Variants in DOCK7 observed in about 807,000 individuals in gnomAD.
DOCK7 encodes the protein dedicator of cytokinesis protein 7.
Under a neutral mutation model 271.0 loss-of-function variants are expected in DOCK7, and 138 were observed. That is an observed-to-expected ratio of 0.51 (90% CI 0.44 to 0.59). The LOEUF (loss-of-function observed/expected upper bound fraction) is 0.59, where lower values mean the gene tolerates loss of function less well. Ranked by LOEUF, DOCK7 falls within the 20% of genes least tolerant of loss-of-function variation. The pLI, the probability that DOCK7 is intolerant of heterozygous loss-of-function variation, is 0.00. For missense variants in DOCK7, 2,066 were observed against 2,592.4 expected, an observed-to-expected ratio of 0.80 and a Z score of 4.41; for synonymous variants, 823 against 876.1, an observed-to-expected ratio of 0.94 and a Z score of 1.07.
chr1:62,609,153 G>A lies in DOCK7; in HGVS notation c.1682+9553C>T, dbSNP rs544412563. On this transcript the variant is annotated intron_variant, in intron 14 of 49. Coordinates refer to ENST00000635253, the MANE Select transcript of DOCK7 (RefSeq NM_001367561.1). Reference sequence around the variant, plus strand: ...GTATTATCATGGCAAATCAACTAGGGTAAAATTACTTAACTGGTGCACAGT... The same window carrying A: ...GTATTATCATGGCAAATCAACTAGGATAAAATTACTTAACTGGTGCACAGT... The A allele has an allele frequency of 2.0e-5, 3 of 152,154 alleles. 1 individual carries two copies. Among genetic ancestry groups the A allele is most frequent in the African/African-American group, 7.2e-5 (3 of 41,508 alleles). 9.4% of individuals were successfully genotyped at this position (152,154 alleles called of 1,614,324 possible).
At chr1:62,471,922 T>C (rs867176303) in intron 48 of DOCK7, among the ~76,000 whole-genome samples, 11 of 152,148 alleles carry the variant, frequency 7.2e-5, no homozygotes, top group Non-Finnish European at 1.2e-4. Flanking sequence ...TAAACTTTAA[T>C]TGAAAAATAA....
intron 2 of DOCK7, among the ~76,000 whole-genome samples, chr1:62,656,179 C>T (rs1348639050): frequency 1.3e-5 from 2 of 152,098 alleles, no homozygotes; most frequent in Non-Finnish European, 2.9e-5. Flanking sequence ...ACAACATATA[C>T]AAAAATTAAA....
rs187096472 is a variant in DOCK7 at position 62,514,906 on chromosome 1, C to T, written c.3937-1008G>A. Among the ~76,000 whole-genome samples, 320 of 152,070 alleles carry T rather than the reference C, an allele frequency of 2.1e-3. 2 individuals carry two copies. Among genetic ancestry groups the T allele is most frequent in the African/African-American group, 7.2e-3 (299 of 41,484 alleles). On this transcript the variant is annotated intron_variant, in intron 31 of 49. Coordinates refer to ENST00000635253, the MANE Select transcript of DOCK7 (RefSeq NM_001367561.1). ...CACTATTATACAATGTTCTAATACT[C>T]GGCTGACAAATATACTAACTAAAAA... is the stretch of plus-strand genomic sequence containing the variant.
intron 20 of DOCK7, among the ~76,000 whole-genome samples, chr1:62,558,649 T>C (rs904488846): frequency 1.3e-5 from 2 of 152,172 alleles, no homozygotes; most frequent in African/African-American, 4.8e-5. Context: ...TTTACCTGTT[T>C]GCCTGTTTTC....
intron 14 of DOCK7, among the ~76,000 whole-genome samples, chr1:62,617,208 ATAAT>A (rs1024353769): frequency 3.9e-5 from 6 of 151,922 alleles, no homozygotes; most frequent in African/African-American, 1.4e-4. Context: ...AAGGGAGGAA[ATAAT>A]TGATTGTTGA....
At chr1:62,523,891 A>C (rs1644924081) in intron 31 of DOCK7, among the ~76,000 whole-genome samples, 1 of 152,144 alleles carries the variant, frequency 6.6e-6, no homozygotes, top group Non-Finnish European at 1.5e-5. Flanking sequence ...AAATAAATAA[A>C]AAGTAAAATA....
At chr1:62,608,848 T>C (rs1337901684) in intron 14 of DOCK7, 5 of 133,756 alleles carry the variant, frequency 3.7e-5, no homozygotes, top group Non-Finnish European at 8.3e-5. Flanking sequence ...CTCATGGAAG[T>C]CAACTAACTC....
At chr1:62,671,889 C>G (rs1248603618) in intron 1 of DOCK7, among the ~76,000 whole-genome samples, 2 of 149,094 alleles carry the variant, frequency 1.3e-5, no homozygotes, top group Admixed American at 6.7e-5. Flanking sequence ...GGGCTGGTTA[C>G]AGAATTACTT....
intron 48 of DOCK7, chr1:62,461,109 G>A (rs999530714): frequency 6.6e-6 from 1 of 152,110 alleles, no homozygotes; most frequent in African/African-American, 2.4e-5. Flanking sequence ...CTACAAATAG[G>A]TGGGTAGTCC....
chr1:62,612,486 T>G (rs1170163354), intron 14 of DOCK7, among the ~76,000 whole-genome samples: 1 of 152,076 alleles, frequency 6.6e-6, no homozygotes, highest in Non-Finnish European at 1.5e-5. Context: ...ATGGCACACG[T>G]ATACCTATGT....
intron 14 of DOCK7, among the ~76,000 whole-genome samples, chr1:62,617,340 T>G (rs939756435): frequency 6.6e-6 from 1 of 151,980 alleles, no homozygotes; most frequent in African/African-American, 2.4e-5. Flanking sequence ...TTTTTCTGTT[T>G]GTAATAGAAG....
At chr1:62,639,536 G>A (rs976447248) in intron 7 of DOCK7, among the ~76,000 whole-genome samples, 5 of 138,786 alleles carry the variant, frequency 3.6e-5, no homozygotes, top group Admixed American at 1.6e-4. Flanking sequence ...CTGGGTTCAC[G>A]CCATTCTCCT....
At chr1:62,523,360 T>C (rs1171344077) in intron 31 of DOCK7, among the ~76,000 whole-genome samples, 1 of 151,936 alleles carries the variant, frequency 6.6e-6, no homozygotes, top group African/African-American at 2.4e-5. Context: ...ATATGCAATA[T>C]AAATAAATAA....
At chr1:62,465,079 A>C (rs1414050466) in intron 48 of DOCK7, among the ~76,000 whole-genome samples, 1 of 152,232 alleles carries the variant, frequency 6.6e-6, no homozygotes, top group East Asian at 1.9e-4. Context: ...AGATACATTA[A>C]GTCACAACTG....
At chr1:62,666,377 T>A (rs940793912) in intron 1 of DOCK7, among the ~76,000 whole-genome samples, 1 of 152,062 alleles carries the variant, frequency 6.6e-6, no homozygotes, top group African/African-American at 2.4e-5. Context: ...AAAACGATAA[T>A]CCTCATATTG....
intron 1 of DOCK7, among the ~76,000 whole-genome samples, chr1:62,675,942 A>G (rs1348801291): frequency 6.6e-6 from 1 of 152,248 alleles, no homozygotes; most frequent in African/African-American, 2.4e-5. Flanking sequence ...CATCGCTAAT[A>G]GGAATGTAAA....
intron 41 of DOCK7, chr1:62,492,395 C>T: frequency 3.6e-6 from 1 of 277,270 alleles, no homozygotes; most frequent in South Asian, 4.1e-5. Flanking sequence ...CTCAAGCAAT[C>T]CTCCCACCTC....
rs1423958244 is a variant in DOCK7, at chr1:62,555,872, T to C, written c.2549A>G (p.His850Arg). ...GRNSLLASYI[H>R]YVFRLPNTYP... ...AGTATTTGGTAGGCGGAAAACATAATGAATATATGATGCAAGAAGGCTGTT... is the reference window on the plus strand; with the variant it reads ...AGTATTTGGTAGGCGGAAAACATAACGAATATATGATGCAAGAAGGCTGTT... The change falls in exon 21 of 50, where the codon CAT becomes CGT. Residue 850 changes from histidine (H) to arginine (R), a missense_variant. By Grantham distance (29) the His-to-Arg change is conservative. Coordinates refer to ENST00000635253, the MANE Select transcript of DOCK7 (RefSeq NM_001367561.1). The C allele has an allele frequency of 2.5e-6, 4 of 1,613,622 alleles. No individual in the cohort carries two copies. The highest frequency in any genetic ancestry group is 8.5e-7 in the Non-Finnish European group (1 of 1,179,902).
chr1:62,524,722 A>G (rs1424028609), intron 31 of DOCK7, among the ~76,000 whole-genome samples: 2 of 151,620 alleles, frequency 1.3e-5, no homozygotes, highest in Non-Finnish European at 2.9e-5. Context: ...ACATAGTGAA[A>G]CCCCATCTCT....
Sources: gnomAD v4.1 joint callset for allele counts (sites outside exome capture counted in the v4.1 genomes callset) on GRCh38, gnomAD v4.1.1 for gene constraint, MANE v1.5 for transcripts, NCBI Gene and HGNC (gene_info 2026-07-23, HGNC 2026-07-21) for gene names.